The following PAX3 variants were observed in gnomAD, a reference collection of about 807,000 sequenced individuals.
The protein encoded by PAX3 is paired box protein Pax-3.
Under a neutral mutation model 51.6 loss-of-function variants are expected in PAX3, and 14 were observed. That is an observed-to-expected ratio of 0.27 (90% CI 0.18 to 0.42). PAX3 has a LOEUF of 0.42. Ranked by LOEUF, PAX3 falls within the 10% of genes least tolerant of loss-of-function variation. The pLI is 1.00. For synonymous variants in PAX3, 280 were observed against 253.4 expected (o/e 1.11, Z -1.00); for missense variants, 540 against 642.8 (o/e 0.84, Z 1.73).
At chr2:222,270,320 G>A (rs1339634237) in intron 4 of PAX3, among the ~76,000 whole-genome samples, 1 of 152,178 alleles carries the variant, frequency 6.6e-6, no homozygotes, top group Non-Finnish European at 1.5e-5. Flanking sequence ...ATAACATTCA[G>A]ACCATTGTCA....
intron 4 of PAX3, among the ~76,000 whole-genome samples, chr2:222,279,875 G>C (rs537478715): frequency 6.6e-6 from 1 of 152,162 alleles, no homozygotes; most frequent in South Asian, 2.1e-4. Context: ...GAAATGGTTG[G>C]TCTCCTTATC....
intron 3 of PAX3, 57 bp downstream of exon 3, chr2:222,295,471 G>A: frequency 3.1e-6 from 5 of 1,598,746 alleles, no homozygotes; most frequent in Non-Finnish European, 4.3e-6. Flanking sequence ...GGGTCGACGT[G>A]CCGGGGTAAT....
chr2:222,291,337 T>G (rs1217545974), intron 4 of PAX3, among the ~76,000 whole-genome samples: 1 of 152,148 alleles, frequency 6.6e-6, no homozygotes, highest in Non-Finnish European at 1.5e-5. Context: ...TCCTTTCTCC[T>G]GGGCTATGGA....
intron 5 of PAX3, among the ~76,000 whole-genome samples, chr2:222,228,430 T>C (rs1412676262): frequency 1.3e-5 from 2 of 152,184 alleles, no homozygotes; most frequent in Non-Finnish European, 2.9e-5. Context: ...CCTTTGACAT[T>C]CATTGAGCCA....
chr2:222,221,571 G>T (rs549801716), intron 5 of PAX3, 184 bp from the exon 6 acceptor site: 1 of 608,218 alleles, frequency 1.6e-6, no homozygotes, highest in Admixed American at 2.4e-5. Flanking sequence ...AGTGTCAAAG[G>T]TCAGTAGAGG....
At chr2:222,247,950 A>G (rs1238583848) in intron 4 of PAX3, among the ~76,000 whole-genome samples, 1 of 152,198 alleles carries the variant, frequency 6.6e-6, no homozygotes, top group East Asian at 1.9e-4. Context: ...TTTAAAAATG[A>G]CATTGATAAA....
At chr2:222,264,172 C>T (rs1359401552) in intron 4 of PAX3, 1 of 152,062 alleles carries the variant, frequency 6.6e-6, no homozygotes, top group South Asian at 2.1e-4. Flanking sequence ...AATGGATAAC[C>T]AAATTAGGAT....
At chr2:222,208,989 A>C (rs2106047466) in intron 7 of PAX3, among the ~76,000 whole-genome samples, 1 of 152,282 alleles carries the variant, frequency 6.6e-6, no homozygotes, top group Non-Finnish European at 1.5e-5. Flanking sequence ...TCACAGTCCC[A>C]TTTGAGACTC....
chr2:222,227,607 ATAAT>A (rs1401446462), intron 5 of PAX3, among the ~76,000 whole-genome samples: 1 of 152,144 alleles, frequency 6.6e-6, no homozygotes, highest in South Asian at 2.1e-4. Flanking sequence ...GTCTCAAAAA[ATAAT>A]TAATTAATTA....
At chr2:222,269,624 C>T (rs921777769) in intron 4 of PAX3, among the ~76,000 whole-genome samples, 2 of 151,032 alleles carry the variant, frequency 1.3e-5, no homozygotes, top group Admixed American at 6.6e-5. Context: ...AGGCTAAATT[C>T]TCAAGCTGCA....
At chr2:222,279,324 T>TGTGTGTGC (rs1213897949) in intron 4 of PAX3, among the ~76,000 whole-genome samples, 1 of 151,292 alleles carries the variant, frequency 6.6e-6, no homozygotes, top group Non-Finnish European at 1.5e-5. Flanking sequence ...TGTGTGTGTG[T>TGTGTGTGC]GTGTGTGGTG....
intron 4 of PAX3, among the ~76,000 whole-genome samples, chr2:222,275,821 T>G (rs1694400389): frequency 6.6e-6 from 1 of 152,272 alleles, no homozygotes; most frequent in South Asian, 2.1e-4. Flanking sequence ...GAGTTTTCTC[T>G]GAAACTCTGT....
intron 5 of PAX3, among the ~76,000 whole-genome samples, chr2:222,229,906 C>T (rs1419836709): frequency 6.6e-6 from 1 of 152,138 alleles, no homozygotes; most frequent in East Asian, 1.9e-4. Flanking sequence ...CCTCTGGGCC[C>T]AGCACAATGG....
At position 222,291,969 on chromosome 2, in the gene PAX3, GGTGTGTGTGTGTGTGTGTGT is replaced by G. The variant is rs3997675; in HGVS notation, c.586+2178_586+2197del. ...AATTAAATCAGGCTTCAGCCTCCAA[GGTGTGTGTGTGTGTGTGTGT>G]GTGTGTGTGTGTGTGTGTGTGTGTG... On this transcript the variant is annotated intron_variant, in intron 4 of 8. Coordinates refer to ENST00000392070, the MANE Select transcript of PAX3 (RefSeq NM_181458.4). Among the ~76,000 whole-genome samples, 43 of 133,726 alleles carry G rather than the reference GGTGTGTGTGTGTGTGTGTGT, an allele frequency of 3.2e-4. No homozygotes were observed. In the South Asian group the frequency reaches 3.3e-3, roughly 10 times the overall value. 87.7% of individuals were successfully genotyped at this position (133,726 alleles called of 152,430 possible). A position where few individuals can be genotyped will look rare whatever the true frequency, so the allele number is the denominator to read the frequency against.
chr2:222,200,962 T>TG lies in PAX3; in HGVS notation c.*445dup. On this transcript the variant is annotated 3_prime_UTR_variant, in exon 9 of 9. Transcript: ENST00000392070. ...GAAGTATCAGCATCGAACATCGACA[T>TG]GTTATACTTTAGGGTATTCTATTAT... 3.3e-6 allele frequency: 2 copies of TG among 598,476 alleles called. No individual in the cohort carries two copies. The highest frequency in any genetic ancestry group is 5.9e-6 in the Non-Finnish European group (2 of 336,294). 37.1% of individuals were successfully genotyped at this position (598,476 alleles called of 1,614,324 possible).
intron 4 of PAX3, among the ~76,000 whole-genome samples, chr2:222,270,389 C>T (rs535315224): frequency 7.2e-5 from 11 of 152,284 alleles, no homozygotes; most frequent in South Asian, 2.1e-4. Context: ...CCCTCAATGA[C>T]GTACAAGGGA....
intron 4 of PAX3, chr2:222,264,343 TA>T (rs1236940551): frequency 6.6e-6 from 1 of 152,204 alleles, no homozygotes; most frequent in African/African-American, 2.4e-5. Context: ...CCAGAATAGT[TA>T]AATCCATAGA....
chr2:222,220,576 G>A lies in PAX3; in HGVS notation c.959-222C>T, dbSNP rs140522651. 1.3e-3 allele frequency among the ~76,000 whole-genome samples: 197 copies of A among 152,108 alleles called. 1 individual carries two copies. Among genetic ancestry groups the A allele is most frequent in the South Asian group, 0.011 (52 of 4,804 alleles). ...TTGTAAGTAACATATATACTCTCACGGCAGGCTCACCCAGAATACTAATGC... is the reference window on the plus strand; with the variant it reads ...TTGTAAGTAACATATATACTCTCACAGCAGGCTCACCCAGAATACTAATGC... On this transcript the variant is annotated intron_variant, in intron 6 of 8. Transcript: ENST00000392070.
intron 4 of PAX3, among the ~76,000 whole-genome samples, chr2:222,254,963 A>G (rs574845144): frequency 3.8e-4 from 58 of 152,148 alleles, no homozygotes; most frequent in Middle Eastern, 6.8e-3. Flanking sequence ...TTGTATTTTT[A>G]GAAGAGATGG....
Sources: allele counts gnomAD v4.1 joint callset (sites outside exome capture counted in the v4.1 genomes callset), GRCh38; gene constraint gnomAD v4.1.1; transcripts MANE v1.5; gene names NCBI Gene and HGNC (gene_info 2026-07-23, HGNC 2026-07-21).